The following SCMH1 variants were observed in gnomAD, a reference collection of about 807,000 sequenced individuals.
SCMH1 encodes the protein Scm polycomb group protein homolog 1.
SCMH1 carries 37 observed loss-of-function variants against 70.8 expected under a neutral mutation model. That is an observed-to-expected ratio of 0.52 (90% CI 0.40 to 0.69). The LOEUF is 0.69. Among genes scored for constraint, SCMH1 ranks in the 30% least tolerant of loss-of-function variants. The pLI, the probability that SCMH1 is intolerant of heterozygous loss-of-function variation, is 0.00. For synonymous variants in SCMH1, 292 were observed against 307.4 expected, an observed-to-expected ratio of 0.95 and a Z score of 0.52; for missense variants, 607 against 827.3, an observed-to-expected ratio of 0.73 and a Z score of 3.27.
In SCMH1 at chr1:41,113,806, T is replaced by A. The variant is rs1479512631; in HGVS notation, c.502-280A>T. Among the ~76,000 whole-genome samples the A allele has an allele frequency of 6.6e-6, 1 of 152,174 alleles. No individual in the cohort carries two copies. Among genetic ancestry groups the A allele is most frequent in the Non-Finnish European group, 1.5e-5 (1 of 68,020 alleles). On this transcript the variant is annotated intron_variant, in intron 7 of 14. Coordinates refer to ENST00000337495, the Ensembl canonical transcript of SCMH1. This position sits in a 1 kb window ranked among gnomAD's most constrained non-coding sequence, Gnocchi z 4.3. ...CCCTTTCTGCCCTTCCCATATTCCATTCCCCCTCTACCTACCACGGAGGTA... is the reference window on the plus strand; with the variant it reads ...CCCTTTCTGCCCTTCCCATATTCCAATCCCCCTCTACCTACCACGGAGGTA...
At chr1:41,075,833 C>G (rs934737478) in intron 8 of SCMH1, among the ~76,000 whole-genome samples, 5 of 152,148 alleles carry the variant, frequency 3.3e-5, no homozygotes, top group African/African-American at 1.2e-4. Flanking sequence ...CAGAACAAGA[C>G]ACAATGCCCT....
At chr1:41,179,695 C>T (rs939660558) in intron 2 of SCMH1, among the ~76,000 whole-genome samples, 1 of 152,152 alleles carries the variant, frequency 6.6e-6, no homozygotes, top group African/African-American at 2.4e-5. Context: ...AGACCAATAA[C>T]AGGCTCTGAA....
chr1:41,215,594 C>T (rs78170835), intron 1 of SCMH1, among the ~76,000 whole-genome samples: 2,654 of 152,144 alleles, frequency 0.017, 64 homozygotes, highest in African/African-American at 0.061. Flanking sequence ...TACTATGCAC[C>T]CAACTCATCA....
intron 1 of SCMH1, among the ~76,000 whole-genome samples, chr1:41,225,736 T>C (rs549361510): frequency 7.9e-5 from 12 of 152,316 alleles, no homozygotes; most frequent in Non-Finnish European, 1.3e-4. Context: ...TATGATGGCC[T>C]ATAGAAAATG....
intron 7 of SCMH1, among the ~76,000 whole-genome samples, chr1:41,114,743 C>G (rs1670038481): frequency 2.0e-5 from 3 of 151,560 alleles, no homozygotes; most frequent in Admixed American, 2.0e-4. Flanking sequence ...GTGGTGTAAT[C>G]CTGGCTCACT....
chr1:41,028,519 A>G (rs991254709), intron 14 of SCMH1, 65 bp downstream of exon 15: 1 of 1,596,996 alleles, frequency 6.3e-7, no homozygotes, highest in African/African-American at 1.3e-5. Flanking sequence ...AACATCTCGT[A>G]TTGTCCCCAC....
intron 4 of SCMH1, among the ~76,000 whole-genome samples, chr1:41,158,690 G>A (rs929434882): frequency 9.8e-5 from 15 of 152,296 alleles, no homozygotes; most frequent in South Asian, 4.1e-4. Context: ...GTCTTCAAGC[G>A]TTTGGGGTGA....
chr1:41,140,807 A>C (rs1245145164), intron 6 of SCMH1, among the ~76,000 whole-genome samples: 1 of 152,202 alleles, frequency 6.6e-6, no homozygotes, highest in Admixed American at 6.5e-5. Flanking sequence ...AATTGCAAAA[A>C]TCCAAGAGAG....
chr1:41,228,775 G>A (rs78522358), intron 1 of SCMH1, among the ~76,000 whole-genome samples: 8,582 of 151,984 alleles, frequency 0.056, 288 homozygotes, highest in Non-Finnish European at 0.069. Flanking sequence ...GGAATGTAGA[G>A]AGAATAGTAT....
chr1:41,202,157 T>C (rs188341030), intron 1 of SCMH1, among the ~76,000 whole-genome samples: 14 of 152,230 alleles, frequency 9.2e-5, no homozygotes, highest in African/African-American at 3.1e-4. Flanking sequence ...TGTCTTAGCC[T>C]CCCGAGTAGC....
intron 6 of SCMH1, among the ~76,000 whole-genome samples, chr1:41,126,572 A>T (rs1169381474): frequency 2.0e-5 from 3 of 152,190 alleles, no homozygotes; most frequent in Non-Finnish European, 4.4e-5. Context: ...TAAATTTAAA[A>T]TGCATACTTT....
At chr1:41,139,136 C>T (rs567534291) in intron 6 of SCMH1, among the ~76,000 whole-genome samples, 1 of 152,240 alleles carries the variant, frequency 6.6e-6, no homozygotes, top group African/African-American at 2.4e-5. Context: ...CTCCCCAGGA[C>T]TGCCATCTCC....
intron 2 of SCMH1, chr1:41,185,867 C>T (rs536837136): frequency 3.5e-5 from 9 of 258,484 alleles, no homozygotes; most frequent in South Asian, 2.8e-4. Context: ...TCAGGTGATC[C>T]GCCCACCTTG....
intron 4 of SCMH1, among the ~76,000 whole-genome samples, chr1:41,152,278 G>A (rs991310332): frequency 6.6e-6 from 1 of 152,186 alleles, no homozygotes; most frequent in Non-Finnish European, 1.5e-5. Context: ...CCTAGCCACC[G>A]CTGTGTTGCT....
chr1:41,231,523 G>A (rs1471541854), intron 1 of SCMH1, among the ~76,000 whole-genome samples: 1 of 152,100 alleles, frequency 6.6e-6, no homozygotes, highest in Non-Finnish European at 1.5e-5. Context: ...TACAATTCAT[G>A]AACCAATATT....
chr1:41,027,498 G>A (rs572152477), exon 15 of SCMH1: 1,613 of 152,374 alleles, frequency 0.011, 15 homozygotes, highest in Non-Finnish European at 0.017. Flanking sequence ...CCCGTGAAGA[G>A]AGGAGAAGGT....
chr1:41,150,427 C>A (rs1439573219), intron 5 of SCMH1, among the ~76,000 whole-genome samples: 1 of 151,952 alleles, frequency 6.6e-6, no homozygotes, highest in African/African-American at 2.4e-5. Context: ...CACCTGAAGC[C>A]GGGAGGCAGA....
intron 12 of SCMH1, among the ~76,000 whole-genome samples, chr1:41,044,988 C>A (rs944460668): frequency 2.0e-5 from 3 of 152,180 alleles, no homozygotes; most frequent in African/African-American, 7.2e-5. Context: ...TTTAAACTAG[C>A]AGCTACATTC....
chr1:41,124,894 C>G (rs1672800844), intron 6 of SCMH1, among the ~76,000 whole-genome samples: 1 of 152,140 alleles, frequency 6.6e-6, no homozygotes, highest in Admixed American at 6.5e-5. Context: ...ACTGCTAGGC[C>G]TGGCCTGCTA....
Sources: gnomAD v4.1 joint callset for allele counts (sites outside exome capture counted in the v4.1 genomes callset) on GRCh38, gnomAD v4.1.1 for gene constraint, Gnocchi (gnomAD v3.1) non-coding constraint, MANE v1.5 for transcripts, NCBI Gene and HGNC (gene_info 2026-07-23, HGNC 2026-07-21) for gene names.